Variants in FAM76B observed in about 807,000 individuals in gnomAD.
FAM76B encodes the protein family with sequence similarity 76 member B.
FAM76B carries 16 observed loss-of-function variants against 51.8 expected under a neutral mutation model. The ratio of observed to expected loss-of-function variants is 0.31; its 90% CI spans 0.21 to 0.47. FAM76B has a LOEUF of 0.47. Among genes scored for constraint, FAM76B ranks in the 20% least tolerant of loss-of-function variants. FAM76B has a pLI of 1.00. For missense variants in FAM76B, 342 were observed against 392.6 expected, an observed-to-expected ratio of 0.87 and a Z score of 1.09; for synonymous variants, 166 against 129.5, an observed-to-expected ratio of 1.28 and a Z score of -1.91.
At position 95,786,968 on chromosome 11, in the gene FAM76B, G is replaced by T. The variant is rs147706629; in HGVS notation, c.207+656C>A. ...TCTGTGAATAAATATCTTTAATTGCGCTGTTTTATAAAAATAGTTCTGAGG... is the reference window on the plus strand; with the variant it reads ...TCTGTGAATAAATATCTTTAATTGCTCTGTTTTATAAAAATAGTTCTGAGG... On this transcript the variant is annotated intron_variant, in intron 3 of 9. Coordinates refer to ENST00000358780, the MANE Select transcript of FAM76B (RefSeq NM_144664.5). 8.5e-5 allele frequency among the ~76,000 whole-genome samples: 13 copies of T among 152,152 alleles called. No homozygotes were observed. The East Asian group carries it at 1.9e-3, about 23-fold the overall frequency.
chr11:95,787,265 G>A (rs540777831), intron 3 of FAM76B, among the ~76,000 whole-genome samples: 4 of 151,420 alleles, frequency 2.6e-5, no homozygotes, highest in African/African-American at 9.7e-5. Context: ...ACGCAGTCTC[G>A]CTCTGTCCCC....
chr11:95,779,562 T>G (rs373877926), intron 7 of FAM76B, 45 bp downstream of exon 7: 114 of 1,512,122 alleles, frequency 7.5e-5, no homozygotes, highest in African/African-American at 2.8e-5. Context: ...CCATAACTAT[T>G]CAACTAAGTT....
chr11:95,784,987 G>A (rs1860484062), intron 4 of FAM76B, among the ~76,000 whole-genome samples: 1 of 152,102 alleles, frequency 6.6e-6, no homozygotes, highest in African/African-American at 2.4e-5. Context: ...CTGGAAATGT[G>A]AACTTAATCC....
In FAM76B at chr11:95,770,929, A is replaced by G. The variant is rs1859737506; in HGVS notation, c.*632T>C. On this transcript the variant is annotated 3_prime_UTR_variant, in exon 10 of 10. Coordinates refer to ENST00000358780, the MANE Select transcript of FAM76B (RefSeq NM_144664.5). ...AGTAGTTTTTACAAAACAGAAACAC[A>G]TTTTACCTTAGATACTGTACAATAA... is the stretch of plus-strand genomic sequence containing the variant. 6.6e-6 allele frequency: 1 copy of G among 151,748 alleles called. No individual in the cohort carries two copies. Among genetic ancestry groups the G allele is most frequent in the South Asian group, 2.1e-4 (1 of 4,830 alleles). The allele number at this position is 151,748 out of a possible 1,614,324, so 9.4% of individuals were successfully genotyped here. A position where few individuals can be genotyped will look rare whatever the true frequency, so the allele number is the denominator to read the frequency against.
chr11:95,778,059 G>C (rs924719158), intron 8 of FAM76B, among the ~76,000 whole-genome samples: 1 of 151,346 alleles, frequency 6.6e-6, no homozygotes, highest in Non-Finnish European at 1.5e-5. Flanking sequence ...ATTTAAATGA[G>C]AAAACTGAGG....
In FAM76B at chr11:95,789,691, G is replaced by C; in HGVS notation, c.-213C>G. The C allele has an allele frequency of 5.9e-6, 3 of 507,264 alleles. No homozygotes were observed. The highest frequency in any genetic ancestry group is 1.0e-5 in the Non-Finnish European group (3 of 290,782). 31.4% of individuals were successfully genotyped at this position (507,264 alleles called of 1,614,324 possible). ...CTTCCGCCCCAGCCCACCCAGTGACGCCGTGCCAGCCGCTCCCGCTTAGGC... is the reference window on the plus strand; with the variant it reads ...CTTCCGCCCCAGCCCACCCAGTGACCCCGTGCCAGCCGCTCCCGCTTAGGC... On this transcript the variant is annotated 5_prime_UTR_variant, in exon 1 of 10. Transcript: ENST00000358780.
At chr11:95,789,327 C>A (rs1860842499) in intron 1 of FAM76B, 65 bp downstream of exon 1, 1 of 1,506,924 alleles carries the variant, frequency 6.6e-7, no homozygotes, top group African/African-American at 1.4e-5. Context: ...AGTGCAGCGG[C>A]TACCCGGCCC....
Position 95,787,408 on chromosome 11 carries a change from T to G in FAM76B, c.207+216A>C, listed in dbSNP as rs188439476. Among the ~76,000 whole-genome samples the G allele has an allele frequency of 9.2e-5, 14 of 152,154 alleles. No homozygotes were observed. The East Asian group carries it at 1.5e-3, about 17-fold the overall frequency. On this transcript the variant is annotated intron_variant, in intron 3 of 9. Transcript: ENST00000358780. ...ACCACCATACCCGGCTCATTTTTTT[T>G]TTGTTGTATTTTTAGTAGACATGGG... is the stretch of plus-strand genomic sequence containing the variant.
At chr11:95,784,247 T>TG (rs1212295911) in intron 4 of FAM76B, among the ~76,000 whole-genome samples, 1 of 151,856 alleles carries the variant, frequency 6.6e-6, no homozygotes, top group Non-Finnish European at 1.5e-5. Context: ...TGAAAACACA[T>TG]GGACACACTG....
Position 95,783,149 on chromosome 11 carries a change from G to C in FAM76B, c.479C>G (p.Ser160Cys), listed in dbSNP as rs766237458. ...ATGATGCTGGTCTTTCTCAGTAAGA[G>C]ATGAAGAAGATGAATTTGAATGTGA... ...GSSHSNSSSS[S>C]LTEKDQHHPK... The change falls in exon 5 of 10, where the codon TCT (serine) becomes TGT (cysteine). Residue 160 changes from serine to cysteine, a missense_variant. Ser to Cys is a moderately radical substitution (Grantham distance 112). Around this residue, in one of 3 missense-constraint regions of FAM76B, gnomAD observed 230 missense variants for 257.4 expected, o/e 0.89. Coordinates refer to ENST00000358780, the MANE Select transcript of FAM76B (RefSeq NM_144664.5). The C allele has an allele frequency of 1.2e-6, 2 of 1,613,212 alleles. No individual in the cohort carries two copies. The highest frequency in any genetic ancestry group is 2.7e-5 in the African/African-American group (2 of 75,030).
chr11:95,769,468 C>T lies in FAM76B; in HGVS notation c.*2093G>A, dbSNP rs1859676043. The T allele has an allele frequency of 6.6e-6, 1 of 152,098 alleles. No individual in the cohort carries two copies. 9.4% of individuals were successfully genotyped at this position (152,098 alleles called of 1,614,324 possible). ...ATTAGACTGTTAATGTTAGCTAACA[C>T]TAAAACTGAATTACCTTCCATTTTA... is the stretch of plus-strand genomic sequence containing the variant. On this transcript the variant is annotated 3_prime_UTR_variant, in exon 10 of 10. Coordinates refer to ENST00000358780, the MANE Select transcript of FAM76B (RefSeq NM_144664.5).
Position 95,769,555 on chromosome 11 carries a change from G to A in FAM76B, c.*2006C>T, listed in dbSNP as rs1240527605. The A allele has an allele frequency of 6.6e-6, 1 of 151,918 alleles. No individual in the cohort carries two copies. Among genetic ancestry groups the A allele is most frequent in the Non-Finnish European group, 1.5e-5 (1 of 67,740 alleles). The allele number at this position is 151,918 out of a possible 1,614,324, so 9.4% of individuals were successfully genotyped here. A position where few individuals can be genotyped will look rare whatever the true frequency, so the allele number is the denominator to read the frequency against. On this transcript the variant is annotated 3_prime_UTR_variant, in exon 10 of 10. Transcript: ENST00000358780. ...GATGTTAGCTAAGGGGAAGGACGAGGACAACTTTCTTTTGTAGTTTCTCCA... is the reference window on the plus strand; with the variant it reads ...GATGTTAGCTAAGGGGAAGGACGAGAACAACTTTCTTTTGTAGTTTCTCCA...
chr11:95,785,200 T>C (rs1364331081), intron 4 of FAM76B, among the ~76,000 whole-genome samples: 2 of 152,192 alleles, frequency 1.3e-5, no homozygotes, highest in Admixed American at 6.5e-5. Flanking sequence ...TTATACCTAA[T>C]TTAAAAACTA....
chr11:95,789,298 G>T, intron 1 of FAM76B, 94 bp downstream of exon 1: 1 of 1,367,308 alleles, frequency 7.3e-7, no homozygotes. Flanking sequence ...CCCCTGAGGC[G>T]CCGGCGAAGA....
intron 5 of FAM76B, among the ~76,000 whole-genome samples, chr11:95,782,265 AC>A (rs1565291639): frequency 6.6e-6 from 1 of 152,154 alleles, no homozygotes; most frequent in Non-Finnish European, 1.5e-5. Context: ...AGTACAGCTG[AC>A]CCTTGAACAA....
intron 7 of FAM76B, 29 bp downstream of exon 7, chr11:95,779,578 T>C: frequency 6.4e-7 from 1 of 1,570,878 alleles, no homozygotes; most frequent in African/African-American, 1.4e-5. Context: ...AAGTTGAATT[T>C]TCATAACACT....
chr11:95,781,421 T>C (rs536982352), intron 5 of FAM76B, among the ~76,000 whole-genome samples: 1 of 152,308 alleles, frequency 6.6e-6, no homozygotes, highest in South Asian at 2.1e-4. Flanking sequence ...TTGTATTTCA[T>C]AAGTAACCAG....
At chr11:95,778,478 T>C (rs564281303) in intron 8 of FAM76B, among the ~76,000 whole-genome samples, 68 of 151,730 alleles carry the variant, frequency 4.5e-4, no homozygotes, top group African/African-American at 1.5e-3. Context: ...TATCAAAGAC[T>C]GTTCAAACTA....
intron 4 of FAM76B, among the ~76,000 whole-genome samples, chr11:95,785,697 C>G (rs1213514365): frequency 6.6e-6 from 1 of 152,144 alleles, no homozygotes; most frequent in Non-Finnish European, 1.5e-5. Flanking sequence ...TAAGTCACTG[C>G]AGGTAGACAA....
Sources: allele counts gnomAD v4.1 joint callset (sites outside exome capture counted in the v4.1 genomes callset), GRCh38; gene constraint gnomAD v4.1.1; regional missense constraint gnomAD v4.1.1; transcripts MANE v1.5; gene names NCBI Gene and HGNC (gene_info 2026-07-23, HGNC 2026-07-21).